The following KCNN1 variants were observed in gnomAD, a reference collection of about 807,000 sequenced individuals.
KCNN1 encodes the protein potassium calcium-activated channel subfamily N member 1.
KCNN1 carries 20 observed loss-of-function variants against 44.7 expected under a neutral mutation model. The ratio of observed to expected loss-of-function variants is 0.45; its 90% CI spans 0.32 to 0.65. The LOEUF is 0.65. Among genes scored for constraint, KCNN1 ranks in the 30% least tolerant of loss-of-function variants. KCNN1 has a pLI of 0.05. For missense variants in KCNN1, 632 were observed against 785.3 expected, an observed-to-expected ratio of 0.80 and a Z score of 2.33; for synonymous variants, 324 against 341.7, an observed-to-expected ratio of 0.95 and a Z score of 0.57.
Position 17,985,381 on chromosome 19 carries a change from C to G in KCNN1, c.987C>G (p.Leu329=). The G allele has an allele frequency of 6.2e-7, 1 of 1,611,934 alleles. No individual in the cohort carries two copies. The highest frequency in any genetic ancestry group is 8.5e-7 in the Non-Finnish European group (1 of 1,178,572). The change falls in exon 5 of 10, where the codon CTC becomes CTG. Residue 329 remains leucine (L), a synonymous_variant. Transcript: ENST00000684775. ...TGTGGCTGATTTCCATCACCTTCCT[C>G]TCCATTGGCTACGGCGACATGGTGC... The part of the protein sequence containing the change: ...GAMWLISITF[L]SIGYGDMVPH...
intron 2 of KCNN1, among the ~76,000 whole-genome samples, chr19:17,958,165 C>A (rs12974335): frequency 0.11 from 17,380 of 151,984 alleles, 1,095 homozygotes; most frequent in South Asian, 0.15. Flanking sequence ...GCCAGGGGAT[C>A]ACTGAGCACC....
rs139345340 is a variant in KCNN1, at chr19:17,960,630, C to CAA, written c.-82+5956_-82+5957dup. ...GGGTGACAGGAGCGAAACTCTGTCT[C>CAA]AAAAAAAAGAAAAGAAAAGAAAAGA... On this transcript the variant is annotated intron_variant, in intron 2 of 10. Coordinates refer to the KCNN1 transcript ENST00000222249. Among the ~76,000 whole-genome samples the CAA allele has an allele frequency of 8.0e-5, 12 of 149,462 alleles. No homozygotes were observed. The South Asian group carries it at 1.9e-3, about 24-fold the overall frequency.
chr19:17,995,127 C>G (rs1568461179), intron 9 of KCNN1, among the ~76,000 whole-genome samples: 1 of 151,910 alleles, frequency 6.6e-6, no homozygotes. Flanking sequence ...AGAATGCAAT[C>G]TAGCTTAATA....
At chr19:17,988,357 G>A in intron 5 of KCNN1, 58 bp from the exon 6 acceptor site, 1 of 1,426,930 alleles carries the variant, frequency 7.0e-7, no homozygotes, top group Non-Finnish European at 9.7e-7. Context: ...CAGGCTTCCT[G>A]GAGGAGGGAG....
At chr19:17,967,473 G>A (rs1447157481) in intron 1 of KCNN1, among the ~76,000 whole-genome samples, 156 bp downstream of exon 1, 1 of 152,152 alleles carries the variant, frequency 6.6e-6, no homozygotes, top group African/African-American at 2.4e-5. Flanking sequence ...CACAGGAAAG[G>A]TGGGGGGAAT....
At chr19:17,982,924 C>T (rs1055266856) in intron 4 of KCNN1, among the ~76,000 whole-genome samples, 6 of 151,992 alleles carry the variant, frequency 3.9e-5, no homozygotes, top group Admixed American at 1.3e-4. Flanking sequence ...CCTGTGATCC[C>T]AGCTACTCGG....
At chr19:17,973,576 C>A (rs1334209771) in intron 1 of KCNN1, among the ~76,000 whole-genome samples, 3 of 152,124 alleles carry the variant, frequency 2.0e-5, no homozygotes, top group Non-Finnish European at 4.4e-5. Context: ...ACCACCATGC[C>A]CGGCTCTCTG....
At chr19:17,976,864 C>T (rs551062482) in intron 3 of KCNN1, among the ~76,000 whole-genome samples, 1 of 151,644 alleles carries the variant, frequency 6.6e-6, no homozygotes, top group Non-Finnish European at 1.5e-5. Flanking sequence ...TACAGGTGCC[C>T]GCCACCACGC....
chr19:17,962,650 T>G (rs943024489), upstream of KCNN1, among the ~76,000 whole-genome samples: 1 of 151,072 alleles, frequency 6.6e-6, no homozygotes, highest in African/African-American at 2.4e-5. Flanking sequence ...GTATTCCCAC[T>G]CCGCTTCCTG....
chr19:17,980,812 A>G (rs2032378863), intron 3 of KCNN1, among the ~76,000 whole-genome samples: 1 of 152,140 alleles, frequency 6.6e-6, no homozygotes, highest in Admixed American at 6.6e-5. Context: ...AGACTGAGGC[A>G]GGAGGATCAC....
rs559664679 is a variant in KCNN1, at chr19:17,998,236, C to A, written c.1462C>A (p.Arg488Ser). Residue 488 changes from arginine to serine, a missense_variant, in exon 10 of 10, where the codon CGC becomes AGC. Coordinates refer to ENST00000684775, the MANE Select transcript of KCNN1 (RefSeq NM_001386974.1). This position sits in a 1 kb window ranked among gnomAD's most constrained non-coding sequence, Gnocchi z 5.4. ...GGCCCGCCTGGCCACCCTGGAAAGC[C>A]GCTTGGATGCGCTGGGTGCCTCTCT... Reference protein sequence around the residue: ...LEARLATLESRLDALGASLQA... With the variant: ...LEARLATLESSLDALGASLQA... The A allele has an allele frequency of 2.8e-5, 44 of 1,573,688 alleles. No homozygotes were observed. In the East Asian group the frequency reaches 7.8e-4, roughly 28 times the overall value.
At chr19:17,965,346 C>CAT, upstream of KCNN1, among the ~76,000 whole-genome samples, 1 of 151,776 alleles carries the variant, frequency 6.6e-6, no homozygotes, top group African/African-American at 2.4e-5. Context: ...AGCCCGTGGG[C>CAT]ATGGTATGCT....
upstream of KCNN1, among the ~76,000 whole-genome samples, chr19:17,965,632 G>A (rs1463363264): frequency 1.3e-5 from 2 of 152,112 alleles, no homozygotes; most frequent in Non-Finnish European, 2.9e-5. Context: ...CTGGTTCTCA[G>A]GTGTGGCTGA....
upstream of KCNN1, among the ~76,000 whole-genome samples, chr19:17,965,529 C>T (rs980812342): frequency 1.3e-5 from 2 of 151,898 alleles, no homozygotes; most frequent in African/African-American, 4.8e-5. Context: ...AGTGCAAAGG[C>T]CTGGAGGTGG....
intron 5 of KCNN1, among the ~76,000 whole-genome samples, chr19:17,987,313 T>A (rs2032634227): frequency 6.6e-6 from 1 of 152,022 alleles, no homozygotes; most frequent in African/African-American, 2.4e-5. Context: ...TTTCACCATG[T>A]CGACCAGGCT....
intron 3 of KCNN1, among the ~76,000 whole-genome samples, chr19:17,980,054 CTT>C (rs1430175093): frequency 1.3e-4 from 17 of 132,038 alleles, no homozygotes; most frequent in African/African-American, 4.1e-4. Flanking sequence ...TTTTCTTTTT[CTT>C]TTTCTTTCTT....
At chr19:17,970,886 A>AT (rs748603717) in intron 1 of KCNN1, among the ~76,000 whole-genome samples, 2,113 of 136,650 alleles carry the variant, frequency 0.015, 43 homozygotes, top group African/African-American at 0.049. Context: ...AGTGTAGCTC[A>AT]TTTTTTTTTT....
intron 7 of KCNN1, among the ~76,000 whole-genome samples, chr19:17,992,362 G>A (rs1408122413): frequency 6.6e-6 from 1 of 151,882 alleles, no homozygotes; most frequent in Non-Finnish European, 1.5e-5. Context: ...TCCTTTTGGA[G>A]GCTGAGACGG....
chr19:17,985,555 C>G (rs2032567464), intron 5 of KCNN1, 102 bp downstream of exon 5: 1 of 1,071,422 alleles, frequency 9.3e-7, no homozygotes, highest in Admixed American at 2.8e-5. Context: ...CATCCCATCA[C>G]GAGCTGTGCC....
Sources: gnomAD v4.1 joint callset for allele counts (sites outside exome capture counted in the v4.1 genomes callset) on GRCh38, gnomAD v4.1.1 for gene constraint, Gnocchi (gnomAD v3.1) non-coding constraint, MANE v1.5 for transcripts, NCBI Gene and HGNC (gene_info 2026-07-23, HGNC 2026-07-21) for gene names.